The following NBEA variants were observed in gnomAD, a reference collection of about 807,000 sequenced individuals.
NBEA encodes the protein neurobeachin.
A neutral mutation model predicts 343.4 loss-of-function variants in NBEA; 44 were observed. That is an observed-to-expected ratio of 0.13 (90% CI 0.10 to 0.16). The LOEUF is 0.16. Ranked by LOEUF, NBEA falls within the 10% of genes least tolerant of loss-of-function variation. The pLI is 1.00. For missense variants in NBEA, 2,555 were observed against 3,631.3 expected, an observed-to-expected ratio of 0.70 and a Z score of 7.62; for synonymous variants, 1,175 against 1,238.7, an observed-to-expected ratio of 0.95 and a Z score of 1.08.
chr13:35,603,556 T>C (rs2082153327), intron 47 of NBEA, among the ~76,000 whole-genome samples: 1 of 152,090 alleles, frequency 6.6e-6, no homozygotes, highest in Non-Finnish European at 1.5e-5. Flanking sequence ...CATTATAGAG[T>C]GCCAAGATGG....
chr13:35,470,442 A>C (rs1220717461), intron 40 of NBEA, among the ~76,000 whole-genome samples: 1 of 151,968 alleles, frequency 6.6e-6, no homozygotes, highest in Non-Finnish European at 1.5e-5. Context: ...GTAATTCACC[A>C]TTTTTAGTGT....
chr13:35,060,835 A>G (rs372538192), intron 8 of NBEA, among the ~76,000 whole-genome samples: 3 of 151,794 alleles, frequency 2.0e-5, no homozygotes, highest in African/African-American at 7.2e-5. Context: ...TGGTAAAGTC[A>G]CTTTCTGTGA....
At chr13:35,117,391 C>A in intron 13 of NBEA, 23 bp from the exon 14 acceptor site, 1 of 1,233,528 alleles carries the variant, frequency 8.1e-7, no homozygotes, top group Admixed American at 3.6e-5. Flanking sequence ...TTTTATTTTA[C>A]TTTTTTTTCT....
chr13:35,277,058 A>G lies in NBEA; in HGVS notation c.5777-13331A>G, dbSNP rs571051478. Among the ~76,000 whole-genome samples the G allele has an allele frequency of 2.2e-4, 34 of 152,336 alleles. 1 individual carries two copies. Among genetic ancestry groups the G allele is most frequent in the African/African-American group, 7.7e-4 (32 of 41,576 alleles). ...ATAAGCATCTGTGGCCCCAGGTGGC[A>G]GGGATGTAGAGAGAACATAGGAGAT... On this transcript the variant is annotated intron_variant, in intron 34 of 58. Transcript: ENST00000379939.
intron 10 of NBEA, among the ~76,000 whole-genome samples, chr13:35,076,142 T>G (rs2064106299): frequency 6.6e-6 from 1 of 151,930 alleles, no homozygotes; most frequent in African/African-American, 2.4e-5. Flanking sequence ...ATTTAAAATA[T>G]TTGTATTAGG....
chr13:35,352,424 A>T, intron 38 of NBEA, 101 bp downstream of exon 38: 1 of 624,492 alleles, frequency 1.6e-6, no homozygotes, highest in Non-Finnish European at 2.3e-6. Context: ...TAGAAAATAT[A>T]ATTTAAAATA....
chr13:34,982,853 A>G (rs1400788762), intron 1 of NBEA, among the ~76,000 whole-genome samples: 1 of 152,096 alleles, frequency 6.6e-6, no homozygotes, highest in Non-Finnish European at 1.5e-5. Flanking sequence ...GCTTAATTTT[A>G]TCAGTTATTG....
At chr13:35,644,691 G>A (rs1038948143) in intron 49 of NBEA, among the ~76,000 whole-genome samples, 11 of 152,188 alleles carry the variant, frequency 7.2e-5, no homozygotes, top group Non-Finnish European at 1.3e-4. Context: ...CCAGGGCAGC[G>A]TTAACAATAA....
intron 36 of NBEA, among the ~76,000 whole-genome samples, chr13:35,313,604 C>G (rs762384824): frequency 1.3e-5 from 2 of 152,078 alleles, no homozygotes; most frequent in Non-Finnish European, 2.9e-5. Context: ...CTGGTGAACA[C>G]CTGTGTGCTA....
At chr13:34,956,494 A>G (rs1210348324) in intron 1 of NBEA, among the ~76,000 whole-genome samples, 1 of 151,574 alleles carries the variant, frequency 6.6e-6, no homozygotes. Flanking sequence ...TACATAACAT[A>G]TAATTTATTT....
intron 34 of NBEA, among the ~76,000 whole-genome samples, chr13:35,285,492 T>C (rs572325142): frequency 2.0e-5 from 3 of 152,294 alleles, no homozygotes; most frequent in Admixed American, 2.0e-4. Context: ...ATAATGAAAC[T>C]GATCACTTTT....
At chr13:35,487,316 C>T (rs1002085541) in intron 41 of NBEA, among the ~76,000 whole-genome samples, 1 of 151,784 alleles carries the variant, frequency 6.6e-6, no homozygotes, top group African/African-American at 2.4e-5. Flanking sequence ...AGAATTAGTA[C>T]TTATAGTTAC....
In NBEA at chr13:35,514,058, A is replaced by G. The variant is rs369374743; in HGVS notation, c.6586-36419A>G. 4.6e-5 allele frequency among the ~76,000 whole-genome samples: 7 copies of G among 152,072 alleles called. 1 individual carries two copies. In the East Asian group the frequency reaches 1.2e-3, roughly 25 times the overall value. The stretch of plus-strand genomic sequence containing the variant: ...AACAGCAGCCTCTAGCCCTCCAACA[A>G]TAACATACTCCTAAAATTATTTTTC... On this transcript the variant is annotated intron_variant, in intron 41 of 58. Transcript: ENST00000379939.
chr13:35,168,154 T>TA (rs564331254), intron 24 of NBEA, among the ~76,000 whole-genome samples: 44 of 151,786 alleles, frequency 2.9e-4, no homozygotes, highest in Non-Finnish European at 4.9e-4. Context: ...GGACTGATCA[T>TA]ACTTTACTAT....
chr13:35,023,185 T>G (rs1414072781), intron 1 of NBEA, among the ~76,000 whole-genome samples: 1 of 152,114 alleles, frequency 6.6e-6, no homozygotes, highest in Non-Finnish European at 1.5e-5. Flanking sequence ...ATATGGTGGC[T>G]TACACTATTC....
intron 10 of NBEA, among the ~76,000 whole-genome samples, chr13:35,078,215 T>C (rs930772833): frequency 1.3e-5 from 2 of 152,196 alleles, no homozygotes; most frequent in African/African-American, 4.8e-5. Flanking sequence ...CAATACCCTG[T>C]TTAACAGATC....
intron 1 of NBEA, among the ~76,000 whole-genome samples, chr13:35,018,205 A>G (rs1376285103): frequency 6.6e-6 from 1 of 152,062 alleles, no homozygotes; most frequent in Admixed American, 6.6e-5. Flanking sequence ...TTTGTTCTTC[A>G]GTCTCAAATT....
At chr13:35,641,419 TAAC>T (rs2083940566) in intron 49 of NBEA, among the ~76,000 whole-genome samples, 1 of 152,110 alleles carries the variant, frequency 6.6e-6, no homozygotes, top group African/African-American at 2.4e-5. Flanking sequence ...CTGAAACTGT[TAAC>T]AACCCAAATA....
intron 1 of NBEA, among the ~76,000 whole-genome samples, chr13:35,038,066 C>T (rs2062514577): frequency 6.6e-6 from 1 of 152,180 alleles, no homozygotes; most frequent in South Asian, 2.1e-4. Context: ...GCACTCCAAC[C>T]ACAAGACACA....
Sources: allele counts gnomAD v4.1 joint callset (sites outside exome capture counted in the v4.1 genomes callset), GRCh38; gene constraint gnomAD v4.1.1; transcripts MANE v1.5; gene names NCBI Gene and HGNC (gene_info 2026-07-23, HGNC 2026-07-21).